The following TNK2 variants were observed in gnomAD, a reference collection of about 807,000 sequenced individuals.
TNK2 encodes activated CDC42 kinase 1.
TNK2 carries 83 observed loss-of-function variants against 101.8 expected under a neutral mutation model. The ratio of observed to expected loss-of-function variants is 0.82; its 90% CI spans 0.68 to 0.98. TNK2 has a LOEUF of 0.98. Among genes scored for constraint, TNK2 ranks in the 50% least tolerant of loss-of-function variants. The pLI, the probability that TNK2 is intolerant of heterozygous loss-of-function variation, is 0.00. For synonymous variants in TNK2, 804 were observed against 633.0 expected (o/e 1.27, Z -4.06); for missense variants, 1,665 against 1,483.2 (o/e 1.12, Z -2.01).
intron 1 of TNK2, among the ~76,000 whole-genome samples, chr3:195,906,062 A>G (rs888170521): frequency 2.0e-4 from 30 of 151,042 alleles, no homozygotes; most frequent in Non-Finnish European, 4.4e-5. Context: ...AAATGAGCAC[A>G]TGAGAAGATG....
At position 195,868,295 on chromosome 3, in the gene TNK2, G is replaced by A. The variant is rs753755395; in HGVS notation, c.2003C>T (p.Thr668Ile). Residue 668 changes from threonine to isoleucine, a missense_variant, in exon 13 of 16, where the codon ACC becomes ATC. This residue lies in a region of TNK2 where 1,136 missense variants were observed against 894.9 expected (regional missense o/e 1.27). Transcript: ENST00000672887. ...GGCAGGGACCCCCGCGCCCACGAGG[G>A]TGCTGTTGATGGAGCAGATCTCAAA... ...DDFEICSINS[T>I]LVGAGVPAGP... The A allele has an allele frequency of 1.1e-5, 18 of 1,603,712 alleles. No individual in the cohort carries two copies. The highest frequency in any genetic ancestry group is 1.1e-4 in the East Asian group (5 of 44,846).
chr3:195,901,897 T>C (rs986788844), intron 1 of TNK2, among the ~76,000 whole-genome samples: 20 of 152,246 alleles, frequency 1.3e-4, no homozygotes, highest in African/African-American at 4.1e-4. Context: ...ATGACCCACA[T>C]TGGACTCGCT....
chr3:195,897,901 A>G (rs1183440619), intron 1 of TNK2, among the ~76,000 whole-genome samples: 1 of 143,142 alleles, frequency 7.0e-6, no homozygotes, highest in Non-Finnish European at 1.5e-5. Flanking sequence ...TCTATTCTCC[A>G]CTGATGCTGT....
At chr3:195,891,943 A>C (rs951754632) in intron 1 of TNK2, 29 of 990,138 alleles carry the variant, frequency 2.9e-5, no homozygotes, top group African/African-American at 3.5e-5. Flanking sequence ...ATGCTCCCTG[A>C]CCCAGCAACA....
rs747986542 is a variant in TNK2, at chr3:195,867,324, C to G, written c.2937+37G>C. On this transcript the variant is annotated intron_variant, in intron 13 of 15. Coordinates refer to ENST00000672887, the MANE Select transcript of TNK2 (RefSeq NM_001382273.1). ...CCCACTGCTCCAGGCCCCTTGGGCC[C>G]TGCCCCGCTTCGCCCACAGCCAGGC... 2.5e-6 allele frequency: 4 copies of G among 1,609,684 alleles called. No individual in the cohort carries two copies. In the Admixed American group the frequency reaches 5.0e-5, roughly 20 times the overall value.
In TNK2 at chr3:195,882,373, C is replaced by A. The variant is rs762692770; in HGVS notation, c.610-45G>T. On this transcript the variant is annotated intron_variant, in intron 5 of 15. Transcript: ENST00000672887. The surrounding 1 kb of genome is among the most constrained non-coding windows in gnomAD (Gnocchi z 4.2). ...AGGAGGAATGAGCTGGAGGACCCTG[C>A]CCCTTCTCAGCAGCCCACGCTGGGC... 1.9e-6 allele frequency: 3 copies of A among 1,603,960 alleles called. No individual in the cohort carries two copies. Among genetic ancestry groups the A allele is most frequent in the Non-Finnish European group, 1.7e-6 (2 of 1,173,136 alleles).
rs1750411436 is a variant in TNK2, at chr3:195,878,042, G to A, written c.1256+211C>T. ...CACACAGCCAGGGCTGCAGCCCAGT[G>A]GGAAAGGGTGGTGGAGGGAAGCTGG... On this transcript the variant is annotated intron_variant, in intron 9 of 15. Coordinates refer to ENST00000672887, the MANE Select transcript of TNK2 (RefSeq NM_001382273.1). The surrounding 1 kb of genome is among the most constrained non-coding windows in gnomAD (Gnocchi z 4.7). Among the ~76,000 whole-genome samples the A allele has an allele frequency of 6.6e-6, 1 of 152,078 alleles. No homozygotes were observed. The highest frequency in any genetic ancestry group is 2.4e-5 in the African/African-American group (1 of 41,404).
intron 1 of TNK2, among the ~76,000 whole-genome samples, chr3:195,902,472 GC>G (rs1418754987): frequency 6.6e-6 from 1 of 151,882 alleles, no homozygotes; most frequent in Non-Finnish European, 1.5e-5. Context: ...ACAAAAGTTA[GC>G]CAGGCGTGGT....
rs1738861520 is a variant in TNK2 at position 195,863,895 on chromosome 3, T to C, written c.*286A>G. On this transcript the variant is annotated 3_prime_UTR_variant, in exon 16 of 16. Coordinates refer to ENST00000672887, the MANE Select transcript of TNK2 (RefSeq NM_001382273.1). ...CAGGACCAGGGCCAGAGGCAGGTCA[T>C]ACCCAGAGCCTGCTGGGGCAGCCCT... The C allele has an allele frequency of 4.4e-6, 2 of 453,552 alleles. No homozygotes were observed. The highest frequency in any genetic ancestry group is 7.9e-6 in the Non-Finnish European group (2 of 252,468). The allele number at this position is 453,552 out of a possible 1,614,324, so 28.1% of individuals were successfully genotyped here.
Position 195,883,163 on chromosome 3 carries a change from CA to C in TNK2, c.602del (p.Met201ArgfsTer4). The C allele has an allele frequency of 6.5e-7, 1 of 1,548,510 alleles. No individual in the cohort carries two copies. The highest frequency in any genetic ancestry group is 8.7e-7 in the Non-Finnish European group (1 of 1,143,682). ...TCCCGCCCGCAGTACTCACCATCTT[CA>C]TGGGCGGCGTGAGCACCACCCCGTA... The part of the protein sequence containing the change: ...RLYGVVLTPP[M>X]KMVTELAPLG... On this transcript the variant is annotated frameshift_variant, in exon 5 of 16. Coordinates refer to ENST00000672887, the MANE Select transcript of TNK2 (RefSeq NM_001382273.1). LOFTEE classifies it high-confidence loss of function.
chr3:195,898,964 C>T (rs1435679689), intron 1 of TNK2, among the ~76,000 whole-genome samples: 9 of 152,060 alleles, frequency 5.9e-5, no homozygotes, highest in East Asian at 1.9e-4. Flanking sequence ...GGCGTGGTGG[C>T]GGGCACCTGC....
rs555838436 is a variant in TNK2 at position 195,878,388 on chromosome 3, G to C, written c.1162-41C>G. ...GGTCGTGGCCAACTCTGGGACTGACGCCTGGGTAGCCCCTCAGCTTGAACA... is the reference window on the plus strand; with the variant it reads ...GGTCGTGGCCAACTCTGGGACTGACCCCTGGGTAGCCCCTCAGCTTGAACA... On this transcript the variant is annotated intron_variant, in intron 8 of 15. Coordinates refer to ENST00000672887, the MANE Select transcript of TNK2 (RefSeq NM_001382273.1). The surrounding 1 kb of genome is among the most constrained non-coding windows in gnomAD (Gnocchi z 4.7). The C allele has an allele frequency of 6.2e-7, 1 of 1,613,754 alleles. No homozygotes were observed. The highest frequency in any genetic ancestry group is 8.5e-7 in the Non-Finnish European group (1 of 1,179,912).
chr3:195,897,324 A>G (rs1400259343), intron 1 of TNK2, among the ~76,000 whole-genome samples: 1 of 152,180 alleles, frequency 6.6e-6, no homozygotes, highest in Non-Finnish European at 1.5e-5. Context: ...GGGCCCAAGA[A>G]AGAAAAGGGA....
Position 195,904,984 on chromosome 3 carries a change from C to T in TNK2, c.-19+3501G>A, listed in dbSNP as rs148613845. On this transcript the variant is annotated intron_variant, in intron 1 of 15. Transcript: ENST00000672887. ...AGGCTTTTTTGTAGAAATTGACTAACTAATTCTAAAATGTATATGGAAGTG... is the reference window on the plus strand; with the variant it reads ...AGGCTTTTTTGTAGAAATTGACTAATTAATTCTAAAATGTATATGGAAGTG... Among the ~76,000 whole-genome samples the T allele has an allele frequency of 6.3e-3, 959 of 152,234 alleles. 29 individuals are homozygous for T. Among genetic ancestry groups the T allele is most frequent in the Admixed American group, 0.052 (789 of 15,286 alleles).
chr3:195,898,596 G>A (rs1247685745), intron 1 of TNK2, among the ~76,000 whole-genome samples: 2 of 152,004 alleles, frequency 1.3e-5, no homozygotes, highest in Admixed American at 1.3e-4. Flanking sequence ...CCAAGTGTTT[G>A]CCCTTCCCTA....
At chr3:195,905,543 G>T (rs929208297) in intron 1 of TNK2, among the ~76,000 whole-genome samples, 1 of 152,000 alleles carries the variant, frequency 6.6e-6, no homozygotes, top group Non-Finnish European at 1.5e-5. Flanking sequence ...TCAGTGGAGA[G>T]ATACATCTTT....
rs74858518 is a variant in TNK2 at position 195,901,676 on chromosome 3, C to T, written c.-19+6809G>A. Among the ~76,000 whole-genome samples, 916 of 152,148 alleles carry T rather than the reference C, an allele frequency of 6.0e-3. 3 individuals are homozygous for T. Among genetic ancestry groups the T allele is most frequent in the Middle Eastern group, 0.014 (4 of 294 alleles). ...TGGGTCCTCAGGAAGACACTATGCG[C>T]CAGCTCTTCACTGAGAGTGTACCTT... On this transcript the variant is annotated intron_variant, in intron 1 of 15. Coordinates refer to ENST00000672887, the MANE Select transcript of TNK2 (RefSeq NM_001382273.1).
rs758652330 is a variant in TNK2, at chr3:195,868,522, G to T, written c.1776C>A (p.Pro592=). The T allele has an allele frequency of 6.4e-7, 1 of 1,560,002 alleles. No individual in the cohort carries two copies. Among genetic ancestry groups the T allele is most frequent in the Middle Eastern group, 1.8e-4 (1 of 5,566 alleles). Residue 592 remains proline (P), a synonymous_variant, in exon 13 of 16, where the codon CCC becomes CCA. Coordinates refer to ENST00000672887, the MANE Select transcript of TNK2 (RefSeq NM_001382273.1). The part of the protein sequence containing the change: ...EVTLIDFGEE[P]VVPALRPCAP... ...CGCAGGGCCGTAGGGCCGGGACCAC[G>T]GGCTCCTCACCGAAGTCGATGAGCG...
Position 195,884,999 on chromosome 3 carries a change from G to T in TNK2, c.269C>A (p.Pro90Gln), listed in dbSNP as rs781407295. 5 of 1,608,554 alleles carry T rather than the reference G, an allele frequency of 3.1e-6. No homozygotes were observed. Among genetic ancestry groups the T allele is most frequent in the Non-Finnish European group, 4.2e-6 (5 of 1,176,666 alleles). The change falls in exon 4 of 16, where the codon CCA becomes CAA. Residue 90 changes from proline (P) to glutamine (Q), a missense_variant. Pro to Gln is a moderately conservative substitution (Grantham distance 76). Transcript: ENST00000672887. ...FSGKRLEAEF[P>Q]PHHSQSTFRK... ...GAAGGTGCTCTGAGAGTGATGAGGT[G>T]GGAACTCAGCCTCCAGTCGCTTTCC...
Sources: allele counts gnomAD v4.1 joint callset (sites outside exome capture counted in the v4.1 genomes callset), GRCh38; gene constraint gnomAD v4.1.1; regional missense constraint gnomAD v4.1.1; non-coding constraint Gnocchi (gnomAD v3.1); transcripts MANE v1.5; gene names NCBI Gene and HGNC (gene_info 2026-07-23, HGNC 2026-07-21).